Variants in GREB1L observed in about 807,000 individuals in gnomAD.
The protein encoded by GREB1L is GREB1 like retinoic acid receptor coactivator, also known as GREB1-like protein.
GREB1L carries 17 observed loss-of-function variants against 200.8 expected under a neutral mutation model. That is an observed-to-expected ratio of 0.08 (90% CI 0.06 to 0.13). The LOEUF is 0.13. Ranked by LOEUF, GREB1L falls within the 10% of genes least tolerant of loss-of-function variation. The pLI is 1.00. For synonymous variants in GREB1L, 789 were observed against 893.0 expected, an observed-to-expected ratio of 0.88 and a Z score of 2.08; for missense variants, 1,657 against 2,367.7, an observed-to-expected ratio of 0.70 and a Z score of 6.23.
At chr18:21,333,106 G>A (rs529824579) in intron 1 of GREB1L, among the ~76,000 whole-genome samples, 21 of 152,062 alleles carry the variant, frequency 1.4e-4, no homozygotes, top group African/African-American at 2.2e-4. Flanking sequence ...GCGCGCGCGC[G>A]CGCACATACG....
chr18:21,404,905 G>A (rs1466157608), intron 7 of GREB1L, among the ~76,000 whole-genome samples: 1 of 152,218 alleles, frequency 6.6e-6, no homozygotes, highest in Non-Finnish European at 1.5e-5. Flanking sequence ...AAATTGAGAA[G>A]AAGGTGGTCT....
At chr18:21,387,813 T>A (rs2040607911) in intron 4 of GREB1L, among the ~76,000 whole-genome samples, 2 of 152,222 alleles carry the variant, frequency 1.3e-5, no homozygotes, top group Admixed American at 1.3e-4. Flanking sequence ...TGAGATAGAA[T>A]GTTTCATAGA....
intron 2 of GREB1L, among the ~76,000 whole-genome samples, chr18:21,373,421 C>T (rs759885697): frequency 1.3e-5 from 2 of 152,124 alleles, no homozygotes; most frequent in Admixed American, 6.6e-5. Flanking sequence ...GCAACCTCCG[C>T]GTCCCAGGTT....
chr18:21,468,849 G>T, intron 15 of GREB1L: 1 of 438,266 alleles, frequency 2.3e-6, no homozygotes, highest in Non-Finnish European at 4.6e-6. Flanking sequence ...ATTGTTTTGT[G>T]TAGGGAATGT....
intron 7 of GREB1L, among the ~76,000 whole-genome samples, chr18:21,431,646 G>C (rs1250395183): frequency 6.6e-6 from 1 of 152,026 alleles, no homozygotes; most frequent in Non-Finnish European, 1.5e-5. Context: ...TTACAGTGTT[G>C]TTCAAGTCTT....
At chr18:21,500,794 C>A (rs2036756789) in intron 23 of GREB1L, among the ~76,000 whole-genome samples, 152 bp downstream of exon 23, 1 of 152,230 alleles carries the variant, frequency 6.6e-6, no homozygotes, top group African/African-American at 2.4e-5. Flanking sequence ...CAAGGCCAGG[C>A]ATGGCGGCTC....
intron 1 of GREB1L, among the ~76,000 whole-genome samples, chr18:21,267,189 CTTT>C (rs751150056): frequency 6.4e-5 from 7 of 108,716 alleles, no homozygotes; most frequent in Non-Finnish European, 1.1e-4. Flanking sequence ...GCCTCGGCCG[CTTT>C]TTTTTTTTTT....
chr18:21,428,358 T>G (rs1444423689), intron 7 of GREB1L, among the ~76,000 whole-genome samples: 3 of 108,794 alleles, frequency 2.8e-5, no homozygotes, highest in African/African-American at 4.0e-5. Flanking sequence ...TTTTTTTTTT[T>G]GTCCTCTTGT....
At chr18:21,277,124 T>G (rs1161474975) in intron 1 of GREB1L, among the ~76,000 whole-genome samples, 1 of 151,970 alleles carries the variant, frequency 6.6e-6, no homozygotes, top group Non-Finnish European at 1.5e-5. Context: ...GAGACGGGGT[T>G]TCATCGTGTT....
At chr18:21,365,398 A>G (rs544919899) in intron 1 of GREB1L, among the ~76,000 whole-genome samples, 78 of 152,240 alleles carry the variant, frequency 5.1e-4, no homozygotes, top group African/African-American at 1.8e-3. Flanking sequence ...ATTGACCATA[A>G]TCTATTTAGA....
chr18:21,268,629 A>AT (rs1446738569), intron 1 of GREB1L, among the ~76,000 whole-genome samples: 1 of 132,118 alleles, frequency 7.6e-6, no homozygotes, highest in Non-Finnish European at 1.6e-5. Context: ...GCAGGGTTTC[A>AT]TTCTCTTGCC....
rs1282877442 is a variant in GREB1L, at chr18:21,413,039, T to C, written c.832+9045T>C. On this transcript the variant is annotated intron_variant, in intron 7 of 32. Transcript: ENST00000424526. ...ATCTCTCATAGCTGACTTTACTGTC[T>C]AAGAAGGGAGTGGGCAGGAACAACT... Among the ~76,000 whole-genome samples, 5 of 152,188 alleles carry C rather than the reference T, an allele frequency of 3.3e-5. 1 individual carries two copies. The highest frequency in any genetic ancestry group is 5.9e-5 in the Non-Finnish European group (4 of 68,034).
chr18:21,276,689 G>A (rs918763652), intron 1 of GREB1L, among the ~76,000 whole-genome samples: 3 of 151,888 alleles, frequency 2.0e-5, no homozygotes, highest in African/African-American at 7.3e-5. Flanking sequence ...TTTATTGTAA[G>A]CATTTTATCT....
At chr18:21,397,312 GAAACCCCGTCTCTACTAAAAA>G (rs1370758234) in intron 5 of GREB1L, among the ~76,000 whole-genome samples, 46 of 151,316 alleles carry the variant, frequency 3.0e-4, no homozygotes, top group South Asian at 8.4e-4. Flanking sequence ...CTAACATGGT[GAAACCCCGTCTCTACTAAAAA>G]AAACCCCGTC....
chr18:21,350,687 A>G (rs1428939164), intron 1 of GREB1L, among the ~76,000 whole-genome samples: 1 of 152,176 alleles, frequency 6.6e-6, no homozygotes, highest in Non-Finnish European at 1.5e-5. Context: ...CTTCATGGGC[A>G]ATGATGTAGA....
chr18:21,490,398 C>G (rs1309556807), intron 19 of GREB1L, 47 bp downstream of exon 19: 4 of 1,484,972 alleles, frequency 2.7e-6, no homozygotes, highest in Non-Finnish European at 3.6e-6. Flanking sequence ...ATTTGTTTCT[C>G]TTTTCTAGGA....
At chr18:21,431,141 C>A (rs896774574) in intron 7 of GREB1L, among the ~76,000 whole-genome samples, 3 of 151,970 alleles carry the variant, frequency 2.0e-5, no homozygotes, top group African/African-American at 7.3e-5. Context: ...CCTGCCTCAG[C>A]CTCCTGAATA....
intron 1 of GREB1L, among the ~76,000 whole-genome samples, chr18:21,327,651 A>T (rs2039042236): frequency 7.2e-6 from 1 of 138,872 alleles, no homozygotes. Context: ...TTTATCTGTT[A>T]AAAAAAAAAA....
chr18:21,325,678 G>A (rs2039011325), intron 1 of GREB1L, among the ~76,000 whole-genome samples: 1 of 151,854 alleles, frequency 6.6e-6, no homozygotes, highest in South Asian at 2.1e-4. Context: ...GCCGGGTGAG[G>A]TGGTGCATGC....
Sources: allele counts gnomAD v4.1 joint callset (sites outside exome capture counted in the v4.1 genomes callset), GRCh38; gene constraint gnomAD v4.1.1; transcripts MANE v1.5; gene names NCBI Gene and HGNC (gene_info 2026-07-23, HGNC 2026-07-21).